Variants in CBFB observed in about 807,000 individuals in gnomAD.
The protein encoded by CBFB is core-binding factor subunit beta.
In CBFB, 9 loss-of-function variants were observed where a neutral mutation model predicts 30.4. That is an observed-to-expected ratio of 0.30 (90% CI 0.18 to 0.52). The LOEUF (loss-of-function observed/expected upper bound fraction) is 0.52, where lower values mean the gene tolerates loss of function less well. Among genes scored for constraint, CBFB ranks in the 20% least tolerant of loss-of-function variants. CBFB has a pLI of 0.97. For missense variants in CBFB, 170 were observed against 244.0 expected, an observed-to-expected ratio of 0.70 and a Z score of 2.02; for synonymous variants, 94 against 84.0, an observed-to-expected ratio of 1.12 and a Z score of -0.65.
intron 3 of CBFB, among the ~76,000 whole-genome samples, chr16:67,053,535 G>A (rs1373279511): frequency 6.6e-6 from 1 of 151,954 alleles, no homozygotes; most frequent in Non-Finnish European, 1.5e-5. Flanking sequence ...GATTACAAGC[G>A]TGAGCCACCG....
At chr16:67,037,002 G>C (rs368113541) in intron 3 of CBFB, among the ~76,000 whole-genome samples, 25 of 152,016 alleles carry the variant, frequency 1.6e-4, no homozygotes, top group Admixed American at 9.8e-4. Context: ...AGTTTCAAGC[G>C]ATTCTCCTGC....
intron 4 of CBFB, among the ~76,000 whole-genome samples, chr16:67,081,358 A>G (rs1378846401): frequency 6.6e-6 from 1 of 152,122 alleles, no homozygotes; most frequent in Non-Finnish European, 1.5e-5. Flanking sequence ...ATAAAGACAC[A>G]TGCACACGTA....
intron 3 of CBFB, among the ~76,000 whole-genome samples, chr16:67,051,610 A>G (rs895325105): frequency 2.6e-5 from 4 of 152,110 alleles, no homozygotes; most frequent in African/African-American, 4.8e-5. Flanking sequence ...TCTAAGTGTC[A>G]TCATGAATAG....
chr16:67,055,038 A>G (rs1009041790), intron 3 of CBFB, among the ~76,000 whole-genome samples: 1 of 150,442 alleles, frequency 6.6e-6, no homozygotes, highest in Non-Finnish European at 1.5e-5. Flanking sequence ...TATCGGGTAC[A>G]TTTTATCTGA....
chr16:67,053,396 G>A (rs1344660179), intron 3 of CBFB, among the ~76,000 whole-genome samples: 1 of 151,432 alleles, frequency 6.6e-6, no homozygotes, highest in Non-Finnish European at 1.5e-5. Flanking sequence ...TGGGACTACG[G>A]GCCCCCTCAC....
rs78187409 is a variant in CBFB, at chr16:67,065,447, A to G, written c.283-1235A>G. Among the ~76,000 whole-genome samples, 1,059 of 152,334 alleles carry G rather than the reference A, an allele frequency of 7.0e-3. 37 individuals are homozygous for G. The East Asian group carries it at 0.071, about 10-fold the overall frequency. On this transcript the variant is annotated intron_variant, in intron 3 of 5. Coordinates refer to ENST00000412916, the MANE Select transcript of CBFB (RefSeq NM_022845.3). The stretch of plus-strand genomic sequence containing the variant: ...ATGTGATACAGTATGAAGCCTGGCT[A>G]ATTTTGTCATCTAAAGGTATTATGT...
At chr16:67,029,692 T>A (rs751044020) in intron 1 of CBFB, 35 bp from the exon 2 acceptor site, 25 of 1,539,652 alleles carry the variant, frequency 1.6e-5, no homozygotes, top group Non-Finnish European at 2.2e-5. Flanking sequence ...GCGCCGCGGA[T>A]TTGGCTCCTG....
intron 2 of CBFB, among the ~76,000 whole-genome samples, chr16:67,033,518 C>G (rs980334483): frequency 1.3e-5 from 2 of 151,466 alleles, no homozygotes; most frequent in Admixed American, 6.6e-5. Flanking sequence ...ATGGGTTTCA[C>G]CATGTTGGCC....
At chr16:67,083,145 T>TTCCA in intron 5 of CBFB, among the ~76,000 whole-genome samples, 1 of 152,244 alleles carries the variant, frequency 6.6e-6, no homozygotes, top group Middle Eastern at 3.4e-3. Context: ...TGCCACTGTA[T>TTCCA]TCCAGCCTGG....
rs562775419 is a variant in CBFB, at chr16:67,082,140, A to C, written c.400-73A>C. Reference sequence around the variant, plus strand: ...GGCCACTGTTTCAGGAAAAAAAAAAAAAAAACAAAACCCAAATATTGTATT... The same window carrying C: ...GGCCACTGTTTCAGGAAAAAAAAAACAAAAACAAAACCCAAATATTGTATT... On this transcript the variant is annotated intron_variant, in intron 4 of 5. Transcript: ENST00000412916. 3.8e-4 allele frequency: 499 copies of C among 1,311,754 alleles called. 2 individuals carry two copies. In the African/African-American group the frequency reaches 6.6e-3, roughly 17 times the overall value. The allele number at this position is 1,311,754 out of a possible 1,614,324, so 81.3% of individuals were successfully genotyped here.
chr16:67,095,477 A>G (rs1962020508), intron 5 of CBFB, among the ~76,000 whole-genome samples: 1 of 152,158 alleles, frequency 6.6e-6, no homozygotes, highest in African/African-American at 2.4e-5. Flanking sequence ...AGATTGCGTC[A>G]CTGCGCTCCA....
At chr16:67,032,011 C>T (rs1009013242) in intron 2 of CBFB, among the ~76,000 whole-genome samples, 4 of 152,126 alleles carry the variant, frequency 2.6e-5, no homozygotes, top group African/African-American at 9.7e-5. Context: ...GTATTATCAT[C>T]ACTATCTTTG....
In CBFB at chr16:67,065,167, G is replaced by A. The variant is rs540211467; in HGVS notation, c.283-1515G>A. ...GCCCAACTTGGCCTCCCAAAGTGCC[G>A]GGATTACAGGCATCAGCCACCGCGC... On this transcript the variant is annotated intron_variant, in intron 3 of 5. Transcript: ENST00000412916. Among the ~76,000 whole-genome samples, 23 of 152,312 alleles carry A rather than the reference G, an allele frequency of 1.5e-4. 1 individual carries two copies. The highest frequency in any genetic ancestry group is 1.1e-3 in the Admixed American group (17 of 15,304).
At chr16:67,029,866 G>A in intron 2 of CBFB, 53 bp downstream of exon 2, 3 of 1,372,696 alleles carry the variant, frequency 2.2e-6, no homozygotes, top group South Asian at 1.3e-5. Context: ...CGGGGCCGCG[G>A]CGGCCCAGGC....
At chr16:67,038,115 T>TA (rs1966471502) in intron 3 of CBFB, among the ~76,000 whole-genome samples, 1 of 152,232 alleles carries the variant, frequency 6.6e-6, no homozygotes, top group Non-Finnish European at 1.5e-5. Flanking sequence ...TCCAGTTTCA[T>TA]ACTTTTTTTG....
intron 5 of CBFB, among the ~76,000 whole-genome samples, chr16:67,088,530 G>C (rs1186407895): frequency 6.6e-6 from 1 of 152,116 alleles, no homozygotes; most frequent in Non-Finnish European, 1.5e-5. Flanking sequence ...ACAGCTTAGC[G>C]CTGGGAAATT....
chr16:67,062,255 A>G lies in CBFB; in HGVS notation c.283-4427A>G, dbSNP rs981345759. On this transcript the variant is annotated intron_variant, in intron 3 of 5. Transcript: ENST00000412916. ...ATGATCTCGGCTCACTGCAAACTCC[A>G]TCTCCCGGGTTCAAATGATTCTCCT... Among the ~76,000 whole-genome samples the G allele has an allele frequency of 6.1e-4, 91 of 149,686 alleles. 1 individual carries two copies. The highest frequency in any genetic ancestry group is 2.1e-3 in the African/African-American group (85 of 40,932).
intron 4 of CBFB, among the ~76,000 whole-genome samples, chr16:67,075,197 A>ATATGTGTGTGTGTG (rs369475383): frequency 0.015 from 2,083 of 142,710 alleles, 36 homozygotes; most frequent in Non-Finnish European, 0.019. Context: ...CTCAAAAAAA[A>ATATGTGTGTGTGTG]TGTGTGTGTG....
chr16:67,080,343 A>G (rs1335777471), intron 4 of CBFB, among the ~76,000 whole-genome samples: 1 of 151,812 alleles, frequency 6.6e-6, no homozygotes, highest in African/African-American at 2.4e-5. Flanking sequence ...CTAGGAGGAA[A>G]CTTTTTATAG....
Sources: allele counts gnomAD v4.1 joint callset (sites outside exome capture counted in the v4.1 genomes callset), GRCh38; gene constraint gnomAD v4.1.1; transcripts MANE v1.5; gene names NCBI Gene and HGNC (gene_info 2026-07-23, HGNC 2026-07-21).